FOXO3: variants seen among roughly 807,000 people sequenced by gnomAD.
The protein encoded by FOXO3 is forkhead box O3.
In FOXO3, 4 loss-of-function variants were observed where a neutral mutation model predicts 41.9. The observed-to-expected ratio is 0.10, with a 90% CI of 0.05 to 0.22. The LOEUF is 0.22. Among genes scored for constraint, FOXO3 ranks in the 10% least tolerant of loss-of-function variants. The pLI is 1.00. For synonymous variants in FOXO3, 318 were observed against 389.3 expected, an observed-to-expected ratio of 0.82 and a Z score of 2.16; for missense variants, 534 against 906.8, an observed-to-expected ratio of 0.59 and a Z score of 5.28.
chr6:108,586,936 A>ATATTAT (rs143546022), intron 1 of FOXO3, among the ~76,000 whole-genome samples: 2,512 of 133,582 alleles, frequency 0.019, 46 homozygotes, highest in African/African-American at 0.052. Context: ...CTGAACGTAA[A>ATATTAT]TATTATTATT....
At chr6:108,629,601 T>C (rs1562250282) in intron 1 of FOXO3, among the ~76,000 whole-genome samples, 1 of 152,306 alleles carries the variant, frequency 6.6e-6, no homozygotes, top group East Asian at 1.9e-4. Flanking sequence ...GTAAAAACTT[T>C]AGTTAGCTGA....
chr6:108,572,922 G>A (rs978109115), intron 1 of FOXO3, among the ~76,000 whole-genome samples: 9 of 152,150 alleles, frequency 5.9e-5, no homozygotes, highest in South Asian at 2.1e-4. Context: ...TGACTTGGGA[G>A]CATCTGCCTT....
intron 2 of FOXO3, among the ~76,000 whole-genome samples, chr6:108,671,301 T>A (rs913441917): frequency 1.3e-5 from 2 of 152,216 alleles, no homozygotes; most frequent in Non-Finnish European, 2.9e-5. Flanking sequence ...CTAGAGCTGG[T>A]GAGTTCATCA....
At chr6:108,576,639 C>G (rs149549560) in intron 1 of FOXO3, among the ~76,000 whole-genome samples, 137 of 152,150 alleles carry the variant, frequency 9.0e-4, no homozygotes, top group African/African-American at 3.2e-3. Context: ...GTTTTCTCAT[C>G]AGCCAAAAAA....
rs371082119 is a variant in FOXO3 at position 108,587,702 on chromosome 6, A to G, written c.621+25873A>G. Among the ~76,000 whole-genome samples, 34 of 152,310 alleles carry G rather than the reference A, an allele frequency of 2.2e-4. 1 individual carries two copies. In the South Asian group the frequency reaches 6.8e-3, roughly 31 times the overall value. On this transcript the variant is annotated intron_variant, in intron 1 of 2. Coordinates refer to ENST00000406360, the MANE Select transcript of FOXO3 (RefSeq NM_001455.4). ...GTACAATGTACTCTCCTGCTTTTGC[A>G]TTGTCATCAGAAACCCTTGGCAAAA...
intron 1 of FOXO3, among the ~76,000 whole-genome samples, chr6:108,610,292 C>A (rs1370532196): frequency 6.6e-6 from 1 of 152,148 alleles, no homozygotes; most frequent in Non-Finnish European, 1.5e-5. Context: ...GTCTAAGAGT[C>A]CTGTAAATTG....
chr6:108,580,271 C>G (rs1432279502), intron 1 of FOXO3, among the ~76,000 whole-genome samples: 1 of 145,818 alleles, frequency 6.9e-6, no homozygotes, highest in African/African-American at 2.6e-5. Flanking sequence ...TCACCACAAC[C>G]TCTGCCTCCT....
intron 1 of FOXO3, among the ~76,000 whole-genome samples, chr6:108,599,285 T>G (rs1776978868): frequency 6.6e-6 from 1 of 152,238 alleles, no homozygotes; most frequent in African/African-American, 2.4e-5. Context: ...TTGCTAGGTA[T>G]TAACTTTGTT....
chr6:108,674,775 T>C (rs1053783365), intron 2 of FOXO3, among the ~76,000 whole-genome samples: 1 of 152,160 alleles, frequency 6.6e-6, no homozygotes, highest in African/African-American at 2.4e-5. Context: ...TGGAACCTGA[T>C]CCCACAGGCC....
chr6:108,561,504 G>A lies in FOXO3; in HGVS notation c.296G>A (p.Arg99Gln). The A allele has an allele frequency of 6.9e-7, 1 of 1,456,502 alleles. No individual in the cohort carries two copies. Among genetic ancestry groups the A allele is most frequent in the Non-Finnish European group, 9.0e-7 (1 of 1,111,138 alleles). 90.2% of individuals were successfully genotyped at this position (1,456,502 alleles called of 1,614,324 possible). ...GGGCTGCTCCTTGAGGACTCGGCCC[G>A]GGTGCTGGCACCCGGAGGGCAAGAC... ...GSGLLLEDSA[R>Q]VLAPGGQDPG... The change falls in exon 1 of 3, where the codon CGG becomes CAG. Residue 99 changes from arginine to glutamine, a missense_variant. Transcript: ENST00000406360.
At chr6:108,618,399 A>C (rs555710721) in intron 1 of FOXO3, 154 of 498,228 alleles carry the variant, frequency 3.1e-4, no homozygotes, top group Non-Finnish European at 4.8e-4. Context: ...GCAGCAGCAG[A>C]TGAAGGAGAG....
chr6:108,673,144 A>T (rs984848023), intron 2 of FOXO3, among the ~76,000 whole-genome samples: 1 of 152,296 alleles, frequency 6.6e-6, no homozygotes, highest in Middle Eastern at 3.4e-3. Context: ...GGTGACCCTA[A>T]TGTTTACCTG....
intron 1 of FOXO3, among the ~76,000 whole-genome samples, chr6:108,591,647 T>C (rs1776734988): frequency 6.6e-6 from 1 of 152,212 alleles, no homozygotes; most frequent in South Asian, 2.1e-4. Flanking sequence ...AAATAACATC[T>C]TGAGCTGGCT....
At chr6:108,672,084 G>A (rs993041480) in intron 2 of FOXO3, among the ~76,000 whole-genome samples, 4 of 152,312 alleles carry the variant, frequency 2.6e-5, no homozygotes, top group African/African-American at 9.6e-5. Context: ...AGAGCCTCAA[G>A]CCTGAGCCTC....
At chr6:108,609,367 G>A (rs1410835070) in intron 1 of FOXO3, among the ~76,000 whole-genome samples, 1 of 152,214 alleles carries the variant, frequency 6.6e-6, no homozygotes, top group Non-Finnish European at 1.5e-5. Flanking sequence ...TATTGTGGGA[G>A]AGGCACCAAG....
chr6:108,673,010 A>G (rs1272741044), intron 2 of FOXO3, among the ~76,000 whole-genome samples: 1 of 152,170 alleles, frequency 6.6e-6, no homozygotes. Flanking sequence ...ATTTCTGTAT[A>G]TGCCACTGTA....
Position 108,591,875 on chromosome 6 carries a change from C to G in FOXO3, c.621+30046C>G, listed in dbSNP as rs189886382. ...ATTTGTTTTAAAGCTAAGCACCACCCTCTTTTTAGTTAAAAAAAAAAAAAA... is the reference window on the plus strand; with the variant it reads ...ATTTGTTTTAAAGCTAAGCACCACCGTCTTTTTAGTTAAAAAAAAAAAAAA... On this transcript the variant is annotated intron_variant, in intron 1 of 2. Coordinates refer to ENST00000406360, the MANE Select transcript of FOXO3 (RefSeq NM_001455.4). Among the ~76,000 whole-genome samples, 5 of 84,384 alleles carry G rather than the reference C, an allele frequency of 5.9e-5. No individual in the cohort carries two copies. The East Asian group carries it at 1.8e-3, about 30-fold the overall frequency. The allele number at this position is 84,384 out of a possible 152,430, so 55.4% of individuals were successfully genotyped here.
chr6:108,570,319 A>G (rs938914979), intron 1 of FOXO3, among the ~76,000 whole-genome samples: 2 of 149,562 alleles, frequency 1.3e-5, no homozygotes, highest in African/African-American at 4.9e-5. Flanking sequence ...TTTTTATTTT[A>G]AATTTTTTAT....
intron 1 of FOXO3, among the ~76,000 whole-genome samples, chr6:108,624,759 G>T (rs780559195): frequency 2.0e-5 from 3 of 152,008 alleles, no homozygotes; most frequent in Non-Finnish European, 2.9e-5. Flanking sequence ...GGGTGCTGGT[G>T]TTTCATATAT....
Sources: allele counts gnomAD v4.1 joint callset (sites outside exome capture counted in the v4.1 genomes callset), GRCh38; gene constraint gnomAD v4.1.1; transcripts MANE v1.5; gene names NCBI Gene and HGNC (gene_info 2026-07-23, HGNC 2026-07-21).